Variants in EPSTI1 observed in about 807,000 individuals in gnomAD.
EPSTI1 encodes epithelial stromal interaction 1.
EPSTI1 carries 66 observed loss-of-function variants against 49.9 expected under a neutral mutation model. The observed-to-expected ratio is 1.32, with a 90% confidence interval of 1.08 to 1.62. The LOEUF (loss-of-function observed/expected upper bound fraction) is 1.62, where lower values mean the gene tolerates loss of function less well. Ranked by LOEUF, EPSTI1 falls within the 40% of genes most tolerant of loss-of-function variation. The pLI is 0.00. For synonymous variants in EPSTI1, 137 were observed against 130.7 expected, an observed-to-expected ratio of 1.05 and a Z score of -0.33; for missense variants, 394 against 365.5, an observed-to-expected ratio of 1.08 and a Z score of -0.64.
At chr13:42,912,087 A>C (rs975841015) in intron 8 of EPSTI1, among the ~76,000 whole-genome samples, 3 of 152,248 alleles carry the variant, frequency 2.0e-5, no homozygotes, top group African/African-American at 7.2e-5. Flanking sequence ...GACTTTCTAA[A>C]TGACTATAAA....
At chr13:42,984,332 C>T (rs1056429867) in intron 1 of EPSTI1, among the ~76,000 whole-genome samples, 7 of 152,164 alleles carry the variant, frequency 4.6e-5, no homozygotes, top group African/African-American at 1.7e-4. Flanking sequence ...TTCTCATAAT[C>T]ATATAGAGAA....
intron 1 of EPSTI1, among the ~76,000 whole-genome samples, chr13:42,989,606 GTTTTT>G: frequency 3.5e-5 from 1 of 28,784 alleles, no homozygotes; most frequent in Middle Eastern, 0.019. Flanking sequence ...GTTTTGTTTT[GTTTTT>G]GAGACAGAGT....
At chr13:42,947,305 A>AC (rs1395695464) in intron 6 of EPSTI1, among the ~76,000 whole-genome samples, 1 of 123,252 alleles carries the variant, frequency 8.1e-6, no homozygotes, top group African/African-American at 2.6e-5. Context: ...GACATTTCAA[A>AC]AAAAAAGTAC....
chr13:42,956,851 G>T (rs2039289018), intron 5 of EPSTI1, among the ~76,000 whole-genome samples: 1 of 152,184 alleles, frequency 6.6e-6, no homozygotes, highest in Non-Finnish European at 1.5e-5. Flanking sequence ...AGAAGATAAG[G>T]ATGAGAAAGT....
At chr13:42,899,476 T>A (rs2037293300) in intron 9 of EPSTI1, among the ~76,000 whole-genome samples, 1 of 152,142 alleles carries the variant, frequency 6.6e-6, no homozygotes, top group Non-Finnish European at 1.5e-5. Flanking sequence ...AGAGGCACCA[T>A]CAGAACAGGG....
intron 6 of EPSTI1, among the ~76,000 whole-genome samples, chr13:42,928,167 G>A (rs2038243684): frequency 6.6e-6 from 1 of 152,168 alleles, no homozygotes; most frequent in Non-Finnish European, 1.5e-5. Flanking sequence ...GAGGAATACA[G>A]GTAGGGGCCT....
intron 6 of EPSTI1, among the ~76,000 whole-genome samples, chr13:42,933,086 T>G (rs893596688): frequency 1.3e-5 from 2 of 152,156 alleles, no homozygotes; most frequent in African/African-American, 4.8e-5. Context: ...GATCCTGAAT[T>G]GGATCCTGAA....
In EPSTI1 at chr13:42,917,638, A is replaced by ATG. The variant is rs1555260752; in HGVS notation, c.658-15_658-14insCA. ...CCAGCTTCTGGCCTGTAAAGGTACAAAGAGAAAAAAAAAAAAAAAAACAAC... is the reference window on the plus strand; with the variant it reads ...CCAGCTTCTGGCCTGTAAAGGTACAATGAGAGAAAAAAAAAAAAAAAAACAAC... On this transcript the variant is annotated splice_polypyrimidine_tract_variant and intron_variant, in intron 7 of 10. Coordinates refer to ENST00000313624, the MANE Select transcript of EPSTI1 (RefSeq NM_033255.5). 1 of 990,230 alleles carries ATG rather than the reference A, an allele frequency of 1.0e-6. No homozygotes were observed. Among genetic ancestry groups the ATG allele is most frequent in the Non-Finnish European group, 1.5e-6 (1 of 680,188 alleles). 61.3% of individuals were successfully genotyped at this position (990,230 alleles called of 1,614,324 possible). A position where few individuals can be genotyped will look rare whatever the true frequency, so the allele number is the denominator to read the frequency against.
In EPSTI1 at chr13:42,917,396, C is replaced by T. The variant is rs143220372; in HGVS notation, c.741+145G>A. 14 of 786,224 alleles carry T rather than the reference C, an allele frequency of 1.8e-5. No individual in the cohort carries two copies. The African/African-American group carries it at 1.9e-4, about 11-fold the overall frequency. The allele number at this position is 786,224 out of a possible 1,614,324, so 48.7% of individuals were successfully genotyped here. The stretch of plus-strand genomic sequence containing the variant: ...CCACCACCATACTCTTAAAACACAT[C>T]CAGAAACTCACCTTTTATTTTCAAT... On this transcript the variant is annotated intron_variant, in intron 8 of 10. Transcript: ENST00000313624.
chr13:42,952,713 C>T (rs1223467740), intron 6 of EPSTI1, among the ~76,000 whole-genome samples: 1 of 152,216 alleles, frequency 6.6e-6, no homozygotes, highest in Non-Finnish European at 1.5e-5. Context: ...CACTTACCAA[C>T]ACTTTCATCC....
intron 9 of EPSTI1, among the ~76,000 whole-genome samples, chr13:42,895,947 G>A (rs1477155606): frequency 2.6e-5 from 4 of 152,178 alleles, no homozygotes; most frequent in African/African-American, 7.2e-5. Context: ...GCAGGAACCA[G>A]TCACATGAGC....
intron 10 of EPSTI1, among the ~76,000 whole-genome samples, chr13:42,890,796 G>A (rs2037015285): frequency 6.6e-6 from 1 of 151,728 alleles, no homozygotes; most frequent in East Asian, 1.9e-4. Flanking sequence ...TGTATCATCT[G>A]TGATTTATAA....
At chr13:42,905,768 C>T (rs543151643) in intron 8 of EPSTI1, among the ~76,000 whole-genome samples, 1 of 152,302 alleles carries the variant, frequency 6.6e-6, no homozygotes, top group South Asian at 2.1e-4. Context: ...GAGGCAGACA[C>T]ACCCAGAAAC....
At chr13:42,962,868 C>T (rs2039497136) in intron 5 of EPSTI1, among the ~76,000 whole-genome samples, 1 of 152,080 alleles carries the variant, frequency 6.6e-6, no homozygotes, top group African/African-American at 2.4e-5. Flanking sequence ...TGTAAATGAC[C>T]CACACGCCAG....
At position 42,896,245 on chromosome 13, in the gene EPSTI1, T is replaced by C. The variant is rs77014146; in HGVS notation, c.816-1137A>G. ...TACCATAAAATCTACCCAAGTGCCA[T>C]ATTCTAGTCAGCCTGCTTCACTGCC... On this transcript the variant is annotated intron_variant, in intron 9 of 10. Coordinates refer to ENST00000313624, the MANE Select transcript of EPSTI1 (RefSeq NM_033255.5). Among the ~76,000 whole-genome samples, 1,083 of 152,276 alleles carry C rather than the reference T, an allele frequency of 7.1e-3. 9 individuals are homozygous for C. Among genetic ancestry groups the C allele is most frequent in the African/African-American group, 0.025 (1,024 of 41,540 alleles).
chr13:42,974,383 C>T (rs1594754776), intron 1 of EPSTI1, among the ~76,000 whole-genome samples: 2 of 151,876 alleles, frequency 1.3e-5, no homozygotes, highest in African/African-American at 2.4e-5. Flanking sequence ...CCTGGCCGGG[C>T]GCGGTGGCTC....
chr13:42,964,972 C>A (rs1757379012), intron 3 of EPSTI1, among the ~76,000 whole-genome samples: 1 of 152,176 alleles, frequency 6.6e-6, no homozygotes, highest in Non-Finnish European at 1.5e-5. Flanking sequence ...TGCATTAAAA[C>A]AATTTGTGTT....
At chr13:42,963,669 C>T (rs8000993) in intron 4 of EPSTI1, 189,348 of 308,156 alleles carry the variant, frequency 0.61, 59,274 homozygotes, top group East Asian at 0.75. Context: ...TTCCTGATTA[C>T]AAAACTCAGT....
At chr13:42,955,880 G>GCGA (rs1555266332) in intron 5 of EPSTI1, among the ~76,000 whole-genome samples, 1 of 135,908 alleles carries the variant, frequency 7.4e-6, no homozygotes, top group Non-Finnish European at 1.6e-5. Context: ...AAGTATTTGG[G>GCGA]GGGGGGGGGA....
Sources: allele counts gnomAD v4.1 joint callset (sites outside exome capture counted in the v4.1 genomes callset), GRCh38; gene constraint gnomAD v4.1.1; transcripts MANE v1.5; gene names NCBI Gene and HGNC (gene_info 2026-07-23, HGNC 2026-07-21).